FES: variants seen among roughly 807,000 people sequenced by gnomAD.
The protein encoded by FES is tyrosine-protein kinase Fes/Fps.
Under a neutral mutation model 109.6 loss-of-function variants are expected in FES, and 83 were observed. That is an observed-to-expected ratio of 0.76 (90% confidence interval 0.63 to 0.91). The LOEUF is 0.91. Among genes scored for constraint, FES ranks in the 40% least tolerant of loss-of-function variants. The pLI, the probability that FES is intolerant of heterozygous loss-of-function variation, is 0.00. For missense variants in FES, 943 were observed against 1,070.9 expected, an observed-to-expected ratio of 0.88 and a Z score of 1.67; for synonymous variants, 458 against 442.1, an observed-to-expected ratio of 1.04 and a Z score of -0.45.
chr15:90,890,846 T>C, intron 10 of FES, 136 bp from the exon 11 acceptor site: 1 of 881,284 alleles, frequency 1.1e-6, no homozygotes, highest in South Asian at 1.6e-5. Flanking sequence ...TCCAGGGGCC[T>C]GTGGATGGCT....
intron 18 of FES, among the ~76,000 whole-genome samples, chr15:90,895,183 T>C (rs2033598557): frequency 6.6e-6 from 1 of 152,228 alleles, no homozygotes; most frequent in African/African-American, 2.4e-5. Flanking sequence ...TAGGGATTAA[T>C]ATGTCCCTTT....
At chr15:90,895,361 C>G in intron 18 of FES, 55 bp from the exon 19 acceptor site, 1 of 1,438,640 alleles carries the variant, frequency 7.0e-7, no homozygotes, top group Non-Finnish European at 9.2e-7. Flanking sequence ...CCAGAGTCTG[C>G]CGAGGACCCT....
At position 90,887,075 on chromosome 15, in the gene FES, C is replaced by T. The variant is rs758396891; in HGVS notation, c.484+18C>T. ...CAGCAAAGGTTCGTGGCTTCCCTTG[C>T]TGGCAGGGAGGGAATCCGAAGCCAG... On this transcript the variant is annotated intron_variant, in intron 4 of 18. Coordinates refer to ENST00000328850, the MANE Select transcript of FES (RefSeq NM_002005.4). The T allele has an allele frequency of 5.0e-6, 8 of 1,613,716 alleles. No homozygotes were observed. The African/African-American group carries it at 1.1e-4, about 22-fold the overall frequency.
At chr15:90,893,857 C>A in intron 17 of FES, 46 bp downstream of exon 17, 3 of 1,603,958 alleles carry the variant, frequency 1.9e-6, no homozygotes, top group Non-Finnish European at 2.6e-6. Context: ...AGAGGCCAGG[C>A]CTGGGTCCTG....
At chr15:90,890,944 G>C in intron 10 of FES, 38 bp from the exon 11 acceptor site, 1 of 1,541,934 alleles carries the variant, frequency 6.5e-7, no homozygotes, top group African/African-American at 1.4e-5. Context: ...CTTCAACAAG[G>C]TGGTTAAGTG....
At chr15:90,891,295 G>C (rs2033191216) in intron 11 of FES, 104 bp downstream of exon 11, 1 of 1,366,432 alleles carries the variant, frequency 7.3e-7, no homozygotes, top group Non-Finnish European at 1.0e-6. Context: ...GCCAGGTCTT[G>C]GATGCCTCCC....
At chr15:90,893,900 C>G in intron 17 of FES, 36 bp from the exon 18 acceptor site, 1 of 1,612,328 alleles carries the variant, frequency 6.2e-7, no homozygotes, top group Non-Finnish European at 8.5e-7. Flanking sequence ...AGGGAGGGTG[C>G]ACTCACGCTG....
chr15:90,886,842 C>T, intron 3 of FES, 119 bp from the exon 4 acceptor site: 1 of 856,666 alleles, frequency 1.2e-6, no homozygotes, highest in Non-Finnish European at 1.9e-6. Flanking sequence ...GCCAGCTTTC[C>T]CAGAAGTCTC....
intron 18 of FES, among the ~76,000 whole-genome samples, chr15:90,894,839 G>A (rs2033566624): frequency 6.6e-6 from 1 of 152,178 alleles, no homozygotes; most frequent in Admixed American, 6.6e-5. Context: ...GGCTGAGGAA[G>A]GTGGATCACT....
chr15:90,889,885 G>A lies in FES; in HGVS notation c.972G>A (p.Val324=), dbSNP rs981610186. The A allele has an allele frequency of 1.2e-6, 2 of 1,613,698 alleles. No homozygotes were observed. Among genetic ancestry groups the A allele is most frequent in the Non-Finnish European group, 8.5e-7 (1 of 1,179,962 alleles). ...AGCTGGCTGTGGCCACCGAGATGGT[G>A]TTCAGGCGGCAGGAGATGGTTACGC... ...TDELAVATEM[V]FRRQEMVTQL... Residue 324 remains valine, a synonymous_variant, in exon 8 of 19, where the codon GTG becomes GTA. Coordinates refer to ENST00000328850, the MANE Select transcript of FES (RefSeq NM_002005.4). The surrounding 1 kb of genome is among the most constrained non-coding windows in gnomAD (Gnocchi z 6.1).
chr15:90,890,634 C>T (rs188040097), intron 10 of FES, 150 bp downstream of exon 10: 13 of 695,520 alleles, frequency 1.9e-5, no homozygotes, highest in Non-Finnish European at 3.1e-5. Flanking sequence ...CCAGACCCTG[C>T]CCCTGTGACC....
intron 11 of FES, 58 bp from the exon 12 acceptor site, chr15:90,891,496 C>T (rs2033210511): frequency 1.1e-5 from 18 of 1,609,676 alleles, no homozygotes; most frequent in Non-Finnish European, 1.5e-5. Flanking sequence ...TTTCCCCCTC[C>T]CAGGGCTCAC....
At chr15:90,893,478 C>A (rs899332511) in intron 16 of FES, 64 bp downstream of exon 16, 9 of 1,506,296 alleles carry the variant, frequency 6.0e-6, no homozygotes, top group Non-Finnish European at 7.1e-6. Flanking sequence ...GTACCTATAC[C>A]CCTAGGGCCC....
chr15:90,893,505 G>T (rs2033427841), intron 16 of FES, 91 bp downstream of exon 16: 1 of 1,496,198 alleles, frequency 6.7e-7, no homozygotes, highest in African/African-American at 1.4e-5. Flanking sequence ...GGACCATCAG[G>T]CATCAGCTCC....
intron 13 of FES, chr15:90,892,432 C>A: frequency 1.7e-6 from 1 of 579,110 alleles, no homozygotes; most frequent in Non-Finnish European, 3.1e-6. Context: ...AAGTCACTGT[C>A]CTAAAAATCA....
Position 90,895,747 on chromosome 15 carries a change from G to C in FES, c.*189G>C, listed in dbSNP as rs1376397620. ...CTGCCAGGGCTTCCTCTTCCGGGCA[G>C]AAACAATAAAACCACTTGTGCCCAC... On this transcript the variant is annotated 3_prime_UTR_variant, in exon 19 of 19. Coordinates refer to ENST00000328850, the MANE Select transcript of FES (RefSeq NM_002005.4). 1 of 490,752 alleles carries C rather than the reference G, an allele frequency of 2.0e-6. No homozygotes were observed. The highest frequency in any genetic ancestry group is 3.5e-6 in the Non-Finnish European group (1 of 285,458). 30.4% of individuals were successfully genotyped at this position (490,752 alleles called of 1,614,324 possible).
intron 10 of FES, among the ~76,000 whole-genome samples, 194 bp from the exon 11 acceptor site, chr15:90,890,788 C>T (rs888606380): frequency 1.3e-5 from 2 of 152,122 alleles, no homozygotes; most frequent in African/African-American, 4.8e-5. Flanking sequence ...GCCTGGGCTT[C>T]CCTTCCCAGC....
At chr15:90,890,510 C>A (rs760090969) in intron 10 of FES, 26 bp downstream of exon 10, 1 of 1,598,498 alleles carries the variant, frequency 6.3e-7, no homozygotes. Flanking sequence ...CCTGGGCCCC[C>A]CTACTGTTGT....
chr15:90,895,423 T>C lies in FES; in HGVS notation c.2334T>C (p.Arg778=), dbSNP rs1364704580. The change falls in exon 19 of 19, where the codon CGT becomes CGC. Residue 778 remains arginine, a synonymous_variant. Transcript: ENST00000328850. ...CTGTGCCTCTCCTCACAGGGGGCCG[T>C]CTGCCCTGCCCAGAGCTGTGTCCTG... ...QTREFVEKGG[R]LPCPELCPDA... is the part of the protein sequence containing the mutation. The C allele has an allele frequency of 1.3e-6, 2 of 1,545,780 alleles. No individual in the cohort carries two copies. Among genetic ancestry groups the C allele is most frequent in the Non-Finnish European group, 8.8e-7 (1 of 1,141,582 alleles).
Sources: gnomAD v4.1 joint callset for allele counts (sites outside exome capture counted in the v4.1 genomes callset) on GRCh38, gnomAD v4.1.1 for gene constraint, Gnocchi (gnomAD v3.1) non-coding constraint, MANE v1.5 for transcripts, NCBI Gene and HGNC (gene_info 2026-07-23, HGNC 2026-07-21) for gene names.